Variants in LPP observed in about 807,000 individuals in gnomAD.
LPP encodes lipoma-preferred partner.
LPP carries 38 observed loss-of-function variants against 60.4 expected under a neutral mutation model. The observed-to-expected ratio is 0.63, with a 90% CI of 0.49 to 0.83. The LOEUF (loss-of-function observed/expected upper bound fraction) is 0.83. Ranked by LOEUF, LPP falls within the 40% of genes least tolerant of loss-of-function variation. LPP has a pLI of 0.00. For missense variants in LPP, 902 were observed against 783.6 expected (o/e 1.15, Z -1.80); for synonymous variants, 328 against 290.8 (o/e 1.13, Z -1.30).
In LPP at chr3:188,483,291, A is replaced by G. The variant is rs550990369; in HGVS notation, c.194-1301A>G. Among the ~76,000 whole-genome samples, 11 of 152,206 alleles carry G rather than the reference A, an allele frequency of 7.2e-5. No homozygotes were observed. The South Asian group carries it at 2.3e-3, about 32-fold the overall frequency. On this transcript the variant is annotated intron_variant, in intron 4 of 11. Transcript: ENST00000617246. The stretch of plus-strand genomic sequence containing the variant: ...AAGGTGTATCAGAACAACAAAACCT[A>G]CTCACAGTCATTCTAATGTGCTCAC...
At chr3:188,523,132 C>A (rs1462527644) in intron 5 of LPP, among the ~76,000 whole-genome samples, 1 of 152,026 alleles carries the variant, frequency 6.6e-6, no homozygotes, top group African/African-American at 2.4e-5. Flanking sequence ...GTCTTGAACT[C>A]CTGGCCTCAG....
intron 9 of LPP, among the ~76,000 whole-genome samples, chr3:188,824,178 CT>C (rs1754745226): frequency 6.6e-6 from 1 of 152,118 alleles, no homozygotes; most frequent in African/African-American, 2.4e-5. Context: ...GCATTGTCTT[CT>C]GAAAAGTACG....
chr3:188,232,933 CTTA>C (rs148792061), intron 2 of LPP, among the ~76,000 whole-genome samples: 6,188 of 152,160 alleles, frequency 0.041, 170 homozygotes, highest in Non-Finnish European at 0.063. Flanking sequence ...TGTGGTACTT[CTTA>C]TGTAGTTGGC....
intron 3 of LPP, among the ~76,000 whole-genome samples, chr3:188,348,921 A>T (rs1450695209): frequency 6.6e-6 from 1 of 152,152 alleles, no homozygotes; most frequent in Non-Finnish European, 1.5e-5. Context: ...ACTCCTTGGG[A>T]ATAATGGAAG....
At chr3:188,331,269 G>A (rs1039575676) in intron 2 of LPP, among the ~76,000 whole-genome samples, 1 of 152,024 alleles carries the variant, frequency 6.6e-6, no homozygotes, top group Non-Finnish European at 1.5e-5. Flanking sequence ...CCACTATTGG[G>A]CTGCTAAATC....
At chr3:188,344,214 G>C (rs937561797) in intron 3 of LPP, among the ~76,000 whole-genome samples, 4 of 152,164 alleles carry the variant, frequency 2.6e-5, no homozygotes. Context: ...AAATCTCATG[G>C]ACTTGTCTAT....
At chr3:188,819,541 G>C (rs1470095830) in intron 9 of LPP, among the ~76,000 whole-genome samples, 1 of 152,122 alleles carries the variant, frequency 6.6e-6, no homozygotes, top group African/African-American at 2.4e-5. Flanking sequence ...TATTGTAATA[G>C]AATCATAAAA....
intron 3 of LPP, among the ~76,000 whole-genome samples, chr3:188,394,714 G>T (rs1780498731): frequency 6.6e-6 from 1 of 152,038 alleles, no homozygotes; most frequent in Admixed American, 6.6e-5. Flanking sequence ...CTCATCAAGG[G>T]AAACTTAAAA....
intron 4 of LPP, among the ~76,000 whole-genome samples, chr3:188,423,093 T>G (rs1284035293): frequency 1.3e-5 from 2 of 151,668 alleles, no homozygotes; most frequent in Non-Finnish European, 2.9e-5. Flanking sequence ...ATGCTATCCC[T>G]CCCCTAGGCC....
intron 9 of LPP, among the ~76,000 whole-genome samples, chr3:188,766,399 A>G (rs1203692621): frequency 6.6e-6 from 1 of 151,684 alleles, no homozygotes; most frequent in African/African-American, 2.4e-5. Flanking sequence ...GGTTAAAAAT[A>G]TTTATAACAA....
intron 2 of LPP, among the ~76,000 whole-genome samples, chr3:188,327,321 T>G (rs539433702): frequency 4.6e-4 from 70 of 152,230 alleles, no homozygotes; most frequent in African/African-American, 1.7e-3. Context: ...GCCAAAAGTG[T>G]TTTTTTGGTA....
intron 3 of LPP, among the ~76,000 whole-genome samples, chr3:188,343,605 C>T (rs1047999670): frequency 6.6e-6 from 1 of 152,120 alleles, no homozygotes; most frequent in Non-Finnish European, 1.5e-5. Flanking sequence ...AACTGTATCC[C>T]CTGTCCCCAC....
chr3:188,260,461 G>A (rs1216458877), intron 2 of LPP, among the ~76,000 whole-genome samples: 1 of 151,944 alleles, frequency 6.6e-6, no homozygotes, highest in Admixed American at 6.6e-5. Context: ...CTTATGGCAA[G>A]GCCAGTATGA....
At chr3:188,378,551 G>A (rs563814404) in intron 3 of LPP, among the ~76,000 whole-genome samples, 19 of 152,302 alleles carry the variant, frequency 1.2e-4, no homozygotes, top group Non-Finnish European at 2.1e-4. Flanking sequence ...CATTTTTAAA[G>A]CCCATTGGAA....
At chr3:188,402,869 G>C (rs1355641345) in intron 3 of LPP, among the ~76,000 whole-genome samples, 1 of 152,172 alleles carries the variant, frequency 6.6e-6, no homozygotes. Flanking sequence ...GAGAAGTTAG[G>C]GAAATGTTCA....
intron 9 of LPP, among the ~76,000 whole-genome samples, chr3:188,860,345 C>T (rs1175296608): frequency 1.3e-5 from 2 of 152,134 alleles, no homozygotes; most frequent in African/African-American, 4.8e-5. Context: ...TAGCCCTGCT[C>T]CTTTACTGTA....
At chr3:188,773,541 A>G (rs1309581222) in intron 9 of LPP, among the ~76,000 whole-genome samples, 1 of 152,200 alleles carries the variant, frequency 6.6e-6, no homozygotes, top group Non-Finnish European at 1.5e-5. Flanking sequence ...TATATCTGTC[A>G]TTTTGGAAAA....
chr3:188,494,517 CT>C (rs374016039), intron 5 of LPP, among the ~76,000 whole-genome samples: 2 of 152,100 alleles, frequency 1.3e-5, no homozygotes, highest in African/African-American at 4.8e-5. Context: ...TTAAATACCC[CT>C]AACGTCCATT....
At chr3:188,359,109 T>C (rs57602012) in intron 3 of LPP, among the ~76,000 whole-genome samples, 2,259 of 152,318 alleles carry the variant, frequency 0.015, 52 homozygotes, top group African/African-American at 0.05. Flanking sequence ...GCCAACCAGC[T>C]GGACTAATTT....
Sources: gnomAD v4.1 joint callset for allele counts (sites outside exome capture counted in the v4.1 genomes callset) on GRCh38, gnomAD v4.1.1 for gene constraint, MANE v1.5 for transcripts, NCBI Gene and HGNC (gene_info 2026-07-23, HGNC 2026-07-21) for gene names.